Variants in ARAP2 observed in about 807,000 individuals in gnomAD.
ARAP2 encodes the protein ArfGAP with RhoGAP domain, ankyrin repeat and PH domain 2, also known as arf-GAP with Rho-GAP domain, ANK repeat and PH domain-containing protein 2.
ARAP2 carries 148 observed loss-of-function variants against 194.5 expected under a neutral mutation model. The ratio of observed to expected loss-of-function variants is 0.76; its 90% CI spans 0.67 to 0.87. The LOEUF (loss-of-function observed/expected upper bound fraction) is 0.87, where lower values mean the gene tolerates loss of function less well. Ranked by LOEUF, ARAP2 falls within the 40% of genes least tolerant of loss-of-function variation. ARAP2 has a pLI of 0.00. For missense variants in ARAP2, 2,128 were observed against 1,989.7 expected, an observed-to-expected ratio of 1.07 and a Z score of -1.32; for synonymous variants, 695 against 683.5, an observed-to-expected ratio of 1.02 and a Z score of -0.26.
At chr4:36,056,170 C>A (rs1478636986) in intron 2 of ARAP2, among the ~76,000 whole-genome samples, 2 of 152,144 alleles carry the variant, frequency 1.3e-5, no homozygotes, top group Admixed American at 6.5e-5. Context: ...AATACAAATT[C>A]TTTTATCAAT....
At chr4:36,151,145 AAATTTATTAATTTCC>A in intron 15 of ARAP2, 101 bp from the exon 16 acceptor site, 1 of 1,025,748 alleles carries the variant, frequency 9.7e-7, no homozygotes, top group Non-Finnish European at 1.4e-6. Context: ...GCAAGTAAAT[AAATTTATTAATTTCC>A]TATTTCACAT....
chr4:36,187,610 G>A (rs751962764), intron 7 of ARAP2, 39 bp from the exon 8 acceptor site: 6 of 1,497,322 alleles, frequency 4.0e-6, no homozygotes, highest in East Asian at 2.5e-5. Flanking sequence ...ATATGAAAAC[G>A]AAATTCTCTT....
chr4:36,193,938 C>T (rs888443863), intron 6 of ARAP2, among the ~76,000 whole-genome samples: 47 of 152,320 alleles, frequency 3.1e-4, no homozygotes, highest in African/African-American at 1.1e-3. Flanking sequence ...AACACTGTCA[C>T]TGAACCCATT....
chr4:36,069,039 C>A (rs200461265), intron 32 of ARAP2, among the ~76,000 whole-genome samples: 1 of 149,386 alleles, frequency 6.7e-6, no homozygotes, highest in African/African-American at 2.5e-5. Flanking sequence ...TTTTTTTTTC[C>A]TTTTGTTTAA....
At chr4:36,162,854 T>C (rs899674797) in intron 11 of ARAP2, among the ~76,000 whole-genome samples, 1 of 152,046 alleles carries the variant, frequency 6.6e-6, no homozygotes, top group African/African-American at 2.4e-5. Context: ...TAAGATAAAA[T>C]GAATGAGACT....
At chr4:36,240,598 AC>A (rs1443074397) in intron 1 of ARAP2, among the ~76,000 whole-genome samples, 1 of 152,150 alleles carries the variant, frequency 6.6e-6, no homozygotes, top group Non-Finnish European at 1.5e-5. Context: ...TGCCTACCTC[AC>A]GGGGATATTT....
chr4:36,171,319 A>T (rs1261741021), intron 9 of ARAP2, among the ~76,000 whole-genome samples: 3 of 152,156 alleles, frequency 2.0e-5, no homozygotes, highest in Non-Finnish European at 4.4e-5. Flanking sequence ...GCACATATAC[A>T]CCATGGAATA....
intron 21 of ARAP2, 42 bp downstream of exon 21, chr4:36,128,477 TACACACACACACAC>T (rs113034093): frequency 3.2e-6 from 3 of 947,544 alleles, no homozygotes; most frequent in Middle Eastern, 2.3e-4. Context: ...GTCTATATTA[TACACACACACACAC>T]ACACACACAC....
At chr4:36,104,919 C>T (rs919870400) in intron 27 of ARAP2, among the ~76,000 whole-genome samples, 3 of 151,878 alleles carry the variant, frequency 2.0e-5, no homozygotes, top group Admixed American at 2.0e-4. Flanking sequence ...GTTCCTGGTA[C>T]AATAACAAGA....
intron 20 of ARAP2, 24 bp from the exon 21 acceptor site, chr4:36,128,769 T>C (rs758421275): frequency 9.0e-6 from 14 of 1,554,136 alleles, no homozygotes; most frequent in Middle Eastern, 3.4e-4. Flanking sequence ...AAAAAAGTTA[T>C]ACTTTAAAAG....
At chr4:36,087,794 A>T (rs753998368) in intron 28 of ARAP2, among the ~76,000 whole-genome samples, 43 of 152,232 alleles carry the variant, frequency 2.8e-4, no homozygotes, top group Non-Finnish European at 5.6e-4. Context: ...CAGCAAAAAC[A>T]CTAAGGTAAT....
intron 5 of ARAP2, among the ~76,000 whole-genome samples, chr4:36,026,586 C>T (rs545965192): frequency 4.6e-5 from 7 of 152,308 alleles, no homozygotes; most frequent in African/African-American, 1.4e-4. Flanking sequence ...CACTGGATAT[C>T]ACGGGACTGG....
rs145714579 is a variant in ARAP2 at position 36,057,234 on chromosome 4, C to T, written n.321+736G>A. ...GGCTTTCCTCTTTTATGGTGAGAGG[C>T]CACTGTCATTGTATTGTTATTACTC... On this transcript the variant is annotated intron_variant and non_coding_transcript_variant, in intron 2 of 12. Coordinates refer to the ARAP2 transcript ENST00000503225. 6.1e-4 allele frequency among the ~76,000 whole-genome samples: 92 copies of T among 151,496 alleles called. No homozygotes were observed. The East Asian group carries it at 0.011, about 19-fold the overall frequency.
Position 36,150,468 on chromosome 4 carries a change from T to A in ARAP2, c.2897+432A>T, listed in dbSNP as rs1266074997. On this transcript the variant is annotated intron_variant, in intron 16 of 32. Transcript: ENST00000303965. ...TGAGACCAGCCTGGCCAATATGGTGTAACTCCATCTCCACTAAAAATACAA... is the reference window on the plus strand; with the variant it reads ...TGAGACCAGCCTGGCCAATATGGTGAAACTCCATCTCCACTAAAAATACAA... Among the ~76,000 whole-genome samples, 3 of 152,010 alleles carry A rather than the reference T, an allele frequency of 2.0e-5. No homozygotes were observed. The East Asian group carries it at 5.8e-4, about 29-fold the overall frequency.
chr4:36,210,339 C>T (rs758619242), intron 6 of ARAP2, 51 bp downstream of exon 6: 2 of 1,501,394 alleles, frequency 1.3e-6, no homozygotes, highest in South Asian at 2.7e-5. Flanking sequence ...AATGAATAAA[C>T]TTGAAATTTT....
At chr4:36,010,227 T>C (rs1348075582) in intron 9 of ARAP2, among the ~76,000 whole-genome samples, 2 of 151,346 alleles carry the variant, frequency 1.3e-5, no homozygotes, top group African/African-American at 4.8e-5. Context: ...TTGTATATGA[T>C]ATATAACTGA....
At chr4:36,063,016 TG>T (rs921963650), downstream of ARAP2, among the ~76,000 whole-genome samples, 3 of 152,162 alleles carry the variant, frequency 2.0e-5, no homozygotes, top group African/African-American at 7.2e-5. Context: ...CTTAACTAAT[TG>T]GTAACAGTGA....
At chr4:36,084,734 G>A (rs1392136160) in intron 28 of ARAP2, among the ~76,000 whole-genome samples, 1 of 151,874 alleles carries the variant, frequency 6.6e-6, no homozygotes, top group Non-Finnish European at 1.5e-5. Context: ...GAAATACAGG[G>A]GAAAAGTAAC....
rs73127457 is a variant in ARAP2, at chr4:36,185,399, G to A, written c.1678+2052C>T. Reference sequence around the variant, plus strand: ...GTTTGTCTTTTTATTGAGGGAGGGTGTTTCTGGTGACATCATAAACCACTA... The same window carrying A: ...GTTTGTCTTTTTATTGAGGGAGGGTATTTCTGGTGACATCATAAACCACTA... On this transcript the variant is annotated intron_variant, in intron 8 of 32. Transcript: ENST00000303965. Among the ~76,000 whole-genome samples the A allele has an allele frequency of 6.2e-3, 945 of 152,172 alleles. 12 individuals are homozygous for A. The highest frequency in any genetic ancestry group is 0.022 in the African/African-American group (900 of 41,508).
Sources: gnomAD v4.1 joint callset for allele counts (sites outside exome capture counted in the v4.1 genomes callset) on GRCh38, gnomAD v4.1.1 for gene constraint, MANE v1.5 for transcripts, NCBI Gene and HGNC (gene_info 2026-07-23, HGNC 2026-07-21) for gene names.